Variants in GP6 observed in about 807,000 individuals in gnomAD.
GP6 encodes platelet glycoprotein VI.
GP6 carries 45 observed loss-of-function variants against 37.3 expected under a neutral mutation model. The observed-to-expected ratio is 1.21, with a 90% CI of 0.95 to 1.55. GP6 has a LOEUF of 1.55. GP6 is among the 40% of genes most tolerant of loss of function. The pLI is 0.00. For synonymous variants in GP6, 340 were observed against 316.4 expected (o/e 1.07, Z -0.79); for missense variants, 813 against 760.2 (o/e 1.07, Z -0.82).
At chr19:55,030,881 C>T (rs1163511526) in intron 3 of GP6, among the ~76,000 whole-genome samples, 1 of 152,148 alleles carries the variant, frequency 6.6e-6, no homozygotes, top group African/African-American at 2.4e-5. Context: ...CAGGGTCTCA[C>T]TCTGTCACCC....
intron 5 of GP6, among the ~76,000 whole-genome samples, chr19:55,021,308 G>T (rs2074073169): frequency 6.7e-6 from 1 of 149,354 alleles, no homozygotes; most frequent in Admixed American, 6.6e-5. Context: ...AGGTTGCAGT[G>T]AGCCGAGATC....
intron 5 of GP6, among the ~76,000 whole-genome samples, chr19:55,024,604 T>C (rs11669150): frequency 0.22 from 33,527 of 152,148 alleles, 3,871 homozygotes; most frequent in Middle Eastern, 0.32. Flanking sequence ...TCAGCTGAGA[T>C]GTTTGTGAAA....
chr19:55,015,710 TGGC>T lies in GP6; in HGVS notation c.745_747del (p.Ala249del). 6.3e-7 allele frequency: 1 copy of T among 1,583,636 alleles called. No individual in the cohort carries two copies. The highest frequency in any genetic ancestry group is 8.7e-7 in the Non-Finnish European group (1 of 1,151,968). ...GCTGGAGAGTCTGACTCCTTTGGAC[TGGC>T]GGTGATACTCCTAGAAGTCTCTGGG... is the stretch of plus-strand genomic sequence containing the variant. On this transcript the variant is annotated inframe_deletion, in exon 7 of 8. Coordinates refer to ENST00000310373, the MANE Select transcript of GP6 (RefSeq NM_001083899.2).
chr19:55,019,171 T>C (rs1006588972), intron 5 of GP6, among the ~76,000 whole-genome samples: 2 of 149,606 alleles, frequency 1.3e-5, no homozygotes, highest in East Asian at 3.9e-4. Flanking sequence ...AGTGGCGCGA[T>C]CTCAGCTCAC....
chr19:55,029,004 C>T (rs755470182), intron 3 of GP6, among the ~76,000 whole-genome samples: 12 of 150,138 alleles, frequency 8.0e-5, no homozygotes, highest in Non-Finnish European at 1.3e-4. Flanking sequence ...CAAAAAAAGA[C>T]AGAGAGAGAA....
Position 55,032,313 on chromosome 19 carries a change from G to A in GP6, c.151C>T (p.Pro51Ser). Residue 51 changes from proline to serine, a missense_variant, in exon 3 of 8, where the codon CCT becomes TCT. Transcript: ENST00000310373. ...AGGCGGTACAGGTCCACGCCCGGAG[G>A]TCCCTGGCACCGGAGGGTCACTGGC... The A allele has an allele frequency of 3.7e-6, 6 of 1,614,038 alleles. No homozygotes were observed. Among genetic ancestry groups the A allele is most frequent in the Non-Finnish European group, 4.2e-6 (5 of 1,179,918 alleles).
chr19:55,019,680 T>TTC lies in GP6; in HGVS notation c.665-970_665-969insGA, dbSNP rs1282815150. ...AACTTAGGCCATTTTCTTTTTTTCTTTTTTTTTTTTTTTTTGAGACAGAGT... is the reference window on the plus strand; with the variant it reads ...AACTTAGGCCATTTTCTTTTTTTCTTTCTTTTTTTTTTTTTTTGAGACAGAGT... On this transcript the variant is annotated intron_variant, in intron 5 of 7. Transcript: ENST00000310373. Among the ~76,000 whole-genome samples the TTC allele has an allele frequency of 6.2e-5, 9 of 144,174 alleles. No individual in the cohort carries two copies. In the East Asian group the frequency reaches 9.9e-4, roughly 16 times the overall value. The allele number at this position is 144,174 out of a possible 152,430, so 94.6% of individuals were successfully genotyped here.
chr19:55,022,517 G>T (rs2074121802), intron 5 of GP6, among the ~76,000 whole-genome samples: 1 of 152,100 alleles, frequency 6.6e-6, no homozygotes, highest in Admixed American at 6.6e-5. Context: ...AGGATAATCA[G>T]GCAAGAGAAA....
intron 1 of GP6, among the ~76,000 whole-genome samples, chr19:55,034,115 C>CAT (rs764843315): frequency 0.016 from 1,979 of 125,312 alleles, 47 homozygotes; most frequent in African/African-American, 0.055. Flanking sequence ...TGTACATACA[C>CAT]ACGTGTATAT....
intron 1 of GP6, among the ~76,000 whole-genome samples, chr19:55,034,093 C>T (rs1253311878): frequency 6.7e-6 from 1 of 150,324 alleles, no homozygotes; most frequent in Non-Finnish European, 1.5e-5. Context: ...TGTGTATGTA[C>T]ATATACACGT....
At chr19:55,024,356 A>ACACATGCACG (rs2074221036) in intron 5 of GP6, among the ~76,000 whole-genome samples, 4 of 142,082 alleles carry the variant, frequency 2.8e-5, no homozygotes, top group Non-Finnish European at 4.8e-5. Flanking sequence ...ATGCACGCAC[A>ACACATGCACG]CACACATATG....
chr19:55,014,298 G>C lies in GP6; in HGVS notation c.1647C>G (p.Leu549=), dbSNP rs754162124. ...TTTGTGTTTTTTTGTTTTGTTGGTA[G>C]AGATGAGGTTTCACCATGTTGCACA... The change falls in exon 8 of 8, where the codon CTC becomes CTG. Residue 549 remains leucine (L), a synonymous_variant. Coordinates refer to ENST00000310373, the MANE Select transcript of GP6 (RefSeq NM_001083899.2). The C allele has an allele frequency of 6.8e-7, 1 of 1,465,724 alleles. No homozygotes were observed. Among genetic ancestry groups the C allele is most frequent in the African/African-American group, 1.4e-5 (1 of 72,134 alleles). The allele number at this position is 1,465,724 out of a possible 1,614,324, so 90.8% of individuals were successfully genotyped here.
At chr19:55,025,540 C>A (rs918546022) in intron 4 of GP6, among the ~76,000 whole-genome samples, 3 of 150,958 alleles carry the variant, frequency 2.0e-5, no homozygotes, top group Non-Finnish European at 4.4e-5. Context: ...ACCCCGTCTC[C>A]ACTAAAAATA....
At chr19:55,028,014 G>A in intron 3 of GP6, 152 bp from the exon 4 acceptor site, 2 of 778,296 alleles carry the variant, frequency 2.6e-6, no homozygotes, top group African/African-American at 1.7e-5. Flanking sequence ...CAGAGAGGTC[G>A]AGTCACCCAG....
At position 55,020,089 on chromosome 19, in the gene GP6, T is replaced by C. The variant is rs551826373; in HGVS notation, c.665-1378A>G. On this transcript the variant is annotated intron_variant, in intron 5 of 7. Transcript: ENST00000310373. ...GTGGGTACTATCCTGGGAGTCTTTT[T>C]ATGGTGGAACCAGCTTGGAAAAAAC... Among the ~76,000 whole-genome samples, 32 of 152,048 alleles carry C rather than the reference T, an allele frequency of 2.1e-4. No individual in the cohort carries two copies. The South Asian group carries it at 6.4e-3, about 31-fold the overall frequency.
intron 3 of GP6, among the ~76,000 whole-genome samples, chr19:55,030,861 T>G (rs555262093): frequency 6.6e-6 from 1 of 152,190 alleles, no homozygotes; most frequent in Admixed American, 6.5e-5. Flanking sequence ...TTTTTGTTTG[T>G]TTTTTGATAC....
At chr19:55,029,364 ATATATATATATTTTTTTTTTTTTTTTT>A (rs2074467948) in intron 3 of GP6, among the ~76,000 whole-genome samples, 1 of 2,524 alleles carries the variant, frequency 4.0e-4, no homozygotes, top group African/African-American at 1.6e-3. Flanking sequence ...ATATATATAT[ATATATATATATTTTTTTTTTTTTTTTT>A]TTTTTTTTTT....
intron 5 of GP6, among the ~76,000 whole-genome samples, chr19:55,020,816 C>T (rs930786944): frequency 7.2e-5 from 11 of 151,888 alleles, no homozygotes; most frequent in East Asian, 1.9e-4. Context: ...TTTGGGAGGC[C>T]GAGGTGGGCA....
chr19:55,037,676 A>G (rs971174003), intron 1 of GP6, among the ~76,000 whole-genome samples: 8 of 94,900 alleles, frequency 8.4e-5, no homozygotes, highest in Non-Finnish European at 1.6e-4. Context: ...TCTGTTGCCC[A>G]GGCTGGAGTG....
Sources: gnomAD v4.1 joint callset for allele counts (sites outside exome capture counted in the v4.1 genomes callset) on GRCh38, gnomAD v4.1.1 for gene constraint, MANE v1.5 for transcripts, NCBI Gene and HGNC (gene_info 2026-07-23, HGNC 2026-07-21) for gene names.